The following LSAMP variants were observed in gnomAD, a reference collection of about 807,000 sequenced individuals.
The protein encoded by LSAMP is limbic system-associated membrane protein.
Under a neutral mutation model 38.6 loss-of-function variants are expected in LSAMP, and 7 were observed. The observed-to-expected ratio is 0.18, with a 90% CI of 0.10 to 0.34. LSAMP has a LOEUF of 0.34. LSAMP is among the 10% of genes least tolerant of loss of function. The pLI, the probability that LSAMP is intolerant of heterozygous loss-of-function variation, is 1.00. For missense variants in LSAMP, 313 were observed against 420.0 expected (o/e 0.75, Z 2.23); for synonymous variants, 154 against 166.8 (o/e 0.92, Z 0.59).
At chr3:116,336,772 A>T (rs532871279) in intron 1 of LSAMP, among the ~76,000 whole-genome samples, 1 of 152,028 alleles carries the variant, frequency 6.6e-6, no homozygotes, top group South Asian at 2.1e-4. Context: ...CCATATGAAA[A>T]TGCAATTCCA....
intron 3 of LSAMP, among the ~76,000 whole-genome samples, chr3:115,890,985 A>G (rs1191681855): frequency 6.6e-6 from 1 of 151,932 alleles, no homozygotes; most frequent in Non-Finnish European, 1.5e-5. Context: ...AGTTTGTGGG[A>G]GGCTTAGCTA....
In LSAMP at chr3:115,875,175, T is replaced by A. The variant is rs1002309070; in HGVS notation, c.515-22558A>T. Among the ~76,000 whole-genome samples, 8 of 152,144 alleles carry A rather than the reference T, an allele frequency of 5.3e-5. No homozygotes were observed. In the South Asian group the frequency reaches 6.2e-4, roughly 12 times the overall value. On this transcript the variant is annotated intron_variant, in intron 3 of 6. Transcript: ENST00000490035. ...ATTCTAGAGGTCCTTACCCAAATAT[T>A]TTCCTCAGAAGAGATGTTATCTTTT...
At chr3:115,850,904 T>G (rs1355647232) in intron 4 of LSAMP, among the ~76,000 whole-genome samples, 1 of 152,226 alleles carries the variant, frequency 6.6e-6, no homozygotes, top group East Asian at 1.9e-4. Context: ...AAAGTAAGAC[T>G]AATGATGCTT....
chr3:116,114,500 G>A (rs1309887478), intron 1 of LSAMP, among the ~76,000 whole-genome samples: 1 of 145,184 alleles, frequency 6.9e-6, no homozygotes, highest in Admixed American at 6.9e-5. Flanking sequence ...TTCCAGAAAT[G>A]CTTTTTTTTT....
chr3:116,284,446 T>A (rs2047167660), intron 1 of LSAMP, among the ~76,000 whole-genome samples: 1 of 152,234 alleles, frequency 6.6e-6, no homozygotes, highest in African/African-American at 2.4e-5. Flanking sequence ...TTGGAAGGCA[T>A]GCAATTTGCT....
chr3:115,951,553 T>C (rs1938289404), intron 3 of LSAMP, among the ~76,000 whole-genome samples: 1 of 152,116 alleles, frequency 6.6e-6, no homozygotes, highest in South Asian at 2.1e-4. Flanking sequence ...AAATTAACAT[T>C]TGAGTCAGTG....
intron 1 of LSAMP, among the ~76,000 whole-genome samples, chr3:116,240,086 ATT>A (rs1376556045): frequency 6.6e-6 from 1 of 152,194 alleles, no homozygotes; most frequent in African/African-American, 2.4e-5. Flanking sequence ...TACACAAAAT[ATT>A]TTCAAATTAT....
chr3:116,086,216 T>G (rs943093166), intron 2 of LSAMP, 108 bp downstream of exon 2: 3 of 912,074 alleles, frequency 3.3e-6, no homozygotes, highest in African/African-American at 3.3e-5. Context: ...TCCAATAATA[T>G]CTTTGGGAAT....
chr3:116,329,113 G>A (rs1214373644), intron 1 of LSAMP, among the ~76,000 whole-genome samples: 1 of 152,158 alleles, frequency 6.6e-6, no homozygotes, highest in Non-Finnish European at 1.5e-5. Context: ...GCTATTGCCT[G>A]TAGGTAGAAT....
chr3:116,170,975 A>G (rs1288925602), intron 1 of LSAMP, among the ~76,000 whole-genome samples: 3 of 152,132 alleles, frequency 2.0e-5, no homozygotes, highest in African/African-American at 7.2e-5. Flanking sequence ...CTCATATCTC[A>G]TGGACAAGAA....
In LSAMP at chr3:116,350,830, G is replaced by A. The variant is rs145332371; in HGVS notation, c.155+94047C>T. Among the ~76,000 whole-genome samples, 6 of 152,086 alleles carry A rather than the reference G, an allele frequency of 3.9e-5. No individual in the cohort carries two copies. The East Asian group carries it at 1.2e-3, about 29-fold the overall frequency. ...TTCTATCCGTGAACTTGTGAAGAAG[G>A]ATAAAAGAAATCCGTGCTGGTTTTG... On this transcript the variant is annotated intron_variant, in intron 1 of 6. Transcript: ENST00000490035.
rs1288548310 is a variant in LSAMP, at chr3:115,802,489, A to G, written c.*7828T>C. 1 of 151,496 alleles carries G rather than the reference A, an allele frequency of 6.6e-6. No individual in the cohort carries two copies. The highest frequency in any genetic ancestry group is 1.5e-5 in the Non-Finnish European group (1 of 67,932). The allele number at this position is 151,496 out of a possible 1,614,324, so 9.4% of individuals were successfully genotyped here. On this transcript the variant is annotated 3_prime_UTR_variant, in exon 7 of 7. Transcript: ENST00000490035. ...GAAACAGAATTTAAATACATTTAAA[A>G]AGAAAAGAAAAAAAGCTTTTTTTCA...
At chr3:116,211,180 G>C (rs939654331) in intron 1 of LSAMP, among the ~76,000 whole-genome samples, 2 of 152,172 alleles carry the variant, frequency 1.3e-5, no homozygotes, top group Admixed American at 1.3e-4. Context: ...CGGTTACCAG[G>C]GATGGGAGGA....
intron 1 of LSAMP, among the ~76,000 whole-genome samples, chr3:116,152,904 T>C (rs1709644622): frequency 6.6e-6 from 1 of 152,072 alleles, no homozygotes. Context: ...ACTTACACAC[T>C]GTGAAGAGCA....
At chr3:115,969,885 A>G (rs967636831) in intron 3 of LSAMP, among the ~76,000 whole-genome samples, 11 of 152,216 alleles carry the variant, frequency 7.2e-5, no homozygotes, top group African/African-American at 2.7e-4. Context: ...CCTAATTTCA[A>G]ATGCATATAT....
At chr3:116,000,239 G>T (rs1476264277) in intron 3 of LSAMP, among the ~76,000 whole-genome samples, 1 of 152,068 alleles carries the variant, frequency 6.6e-6, no homozygotes, top group Non-Finnish European at 1.5e-5. Context: ...TAAGTGCCAG[G>T]CTCTATGCTA....
chr3:116,367,380 G>A (rs1414990689), intron 1 of LSAMP, among the ~76,000 whole-genome samples: 3 of 151,604 alleles, frequency 2.0e-5, no homozygotes, highest in African/African-American at 4.8e-5. Flanking sequence ...ACAAGTTTCT[G>A]TATCCCTTTT....
intron 1 of LSAMP, among the ~76,000 whole-genome samples, chr3:116,341,807 G>A (rs1158202617): frequency 1.3e-5 from 2 of 151,912 alleles, no homozygotes; most frequent in Non-Finnish European, 2.9e-5. Context: ...CAGGCTCCTC[G>A]ACACTTGAAA....
At chr3:116,045,072 C>T (rs1453396046) in intron 2 of LSAMP, among the ~76,000 whole-genome samples, 1 of 152,112 alleles carries the variant, frequency 6.6e-6, no homozygotes, top group Non-Finnish European at 1.5e-5. Flanking sequence ...CACAAAGGTT[C>T]TTAGCTTTAA....
Sources: allele counts gnomAD v4.1 joint callset (sites outside exome capture counted in the v4.1 genomes callset), GRCh38; gene constraint gnomAD v4.1.1; transcripts MANE v1.5; gene names NCBI Gene and HGNC (gene_info 2026-07-23, HGNC 2026-07-21).